The following UBE2E2 variants were observed in gnomAD, a reference collection of about 807,000 sequenced individuals.
The protein encoded by UBE2E2 is ubiquitin-conjugating enzyme E2 E2.
In UBE2E2, 6 loss-of-function variants were observed where a neutral mutation model predicts 24.7. The observed-to-expected ratio is 0.24, with a 90% CI of 0.13 to 0.48. UBE2E2 has a LOEUF of 0.48. UBE2E2 is among the 20% of genes least tolerant of loss of function. The probability of loss-of-function intolerance (pLI) is 0.99; values close to 1 mark genes in which losing one functional copy is unlikely to be tolerated. For missense variants in UBE2E2, 169 were observed against 245.0 expected, an observed-to-expected ratio of 0.69 and a Z score of 2.07; for synonymous variants, 104 against 83.6, an observed-to-expected ratio of 1.24 and a Z score of -1.33.
intron 3 of UBE2E2, among the ~76,000 whole-genome samples, chr3:23,262,819 C>CA (rs893111101): frequency 5.3e-5 from 8 of 151,878 alleles, no homozygotes; most frequent in African/African-American, 1.9e-4. Flanking sequence ...GTGTCACATC[C>CA]AAAAAATCCT....
chr3:23,397,279 G>A (rs920035529), intron 3 of UBE2E2, among the ~76,000 whole-genome samples: 1 of 152,156 alleles, frequency 6.6e-6, no homozygotes, highest in Non-Finnish European at 1.5e-5. Flanking sequence ...ATATGGGATG[G>A]CTAAATAAAA....
chr3:23,431,430 C>T (rs1212484959), intron 3 of UBE2E2, among the ~76,000 whole-genome samples: 1 of 152,054 alleles, frequency 6.6e-6, no homozygotes, highest in Non-Finnish European at 1.5e-5. Flanking sequence ...ACAATAGTTG[C>T]CACCAGCCAG....
chr3:23,453,278 G>A (rs944496509), intron 3 of UBE2E2, among the ~76,000 whole-genome samples: 1 of 151,840 alleles, frequency 6.6e-6, no homozygotes, highest in Admixed American at 6.6e-5. Flanking sequence ...TTGTTAAAAT[G>A]AGCAACTATT....
chr3:23,486,547 C>T (rs920173330), intron 3 of UBE2E2, among the ~76,000 whole-genome samples: 1 of 152,288 alleles, frequency 6.6e-6, no homozygotes, highest in East Asian at 1.9e-4. Flanking sequence ...CGTCCTGCTC[C>T]GGCCCATGGC....
intron 5 of UBE2E2, among the ~76,000 whole-genome samples, chr3:23,578,641 T>C (rs541259337): frequency 6.6e-6 from 1 of 152,062 alleles, no homozygotes; most frequent in African/African-American, 2.4e-5. Context: ...ACATGGATGG[T>C]GTTGGAAGCC....
Position 23,499,605 on chromosome 3 carries a change from C to T in UBE2E2, c.228-3C>T. 6.2e-7 allele frequency: 1 copy of T among 1,608,300 alleles called. No individual in the cohort carries two copies. Among genetic ancestry groups the T allele is most frequent in the South Asian group, 1.1e-5 (1 of 89,394 alleles). On this transcript the variant is annotated splice_polypyrimidine_tract_variant and splice_region_variant and intron_variant, in intron 3 of 5. Transcript: ENST00000396703. ...CACATTTCATTTGTATGTCTTATTT[C>T]AGTGCTGGACCCAAAGGAGACAACA...
In UBE2E2 at chr3:23,589,863, T is replaced by A; in HGVS notation, c.*32T>A. 6.2e-7 allele frequency: 1 copy of A among 1,609,782 alleles called. No homozygotes were observed. Among genetic ancestry groups the A allele is most frequent in the Non-Finnish European group, 8.5e-7 (1 of 1,176,570 alleles). On this transcript the variant is annotated 3_prime_UTR_variant, in exon 6 of 6. Coordinates refer to ENST00000396703, the MANE Select transcript of UBE2E2 (RefSeq NM_152653.4). The surrounding 1 kb of genome is among the most constrained non-coding windows in gnomAD (Gnocchi z 4.1). ...GCTGCCTGCCGCCCCGCGGGACCTG[T>A]GCAAGCACATTCACCAAGTGCATCG...
intron 3 of UBE2E2, among the ~76,000 whole-genome samples, chr3:23,230,099 A>G (rs1048069255): frequency 6.6e-6 from 1 of 152,232 alleles, no homozygotes; most frequent in African/African-American, 2.4e-5. Context: ...CCCCTCTGCT[A>G]TCCACCATTA....
chr3:23,285,064 C>T (rs189486635), intron 3 of UBE2E2, among the ~76,000 whole-genome samples: 237 of 152,028 alleles, frequency 1.6e-3, no homozygotes, highest in Non-Finnish European at 2.5e-3. Flanking sequence ...CATCTTTCTA[C>T]GCTCTGCCTC....
chr3:23,442,992 A>C (rs1003789433), intron 3 of UBE2E2, among the ~76,000 whole-genome samples: 2 of 152,210 alleles, frequency 1.3e-5, no homozygotes, highest in African/African-American at 4.8e-5. Context: ...GATGTATATT[A>C]CCTGTGTCCC....
At chr3:23,551,311 AT>A (rs1270987105) in intron 5 of UBE2E2, among the ~76,000 whole-genome samples, 2 of 152,246 alleles carry the variant, frequency 1.3e-5, no homozygotes, top group Non-Finnish European at 2.9e-5. Context: ...CTAAAGCATT[AT>A]AACTTTGGTA....
At chr3:23,337,139 C>CA (rs1053628403) in intron 3 of UBE2E2, among the ~76,000 whole-genome samples, 1,157 of 74,056 alleles carry the variant, frequency 0.016, 9 homozygotes, top group Middle Eastern at 0.065. Context: ...GAGCCTGTCT[C>CA]AAAAAAAAAA....
At chr3:23,272,459 A>G (rs932239996) in intron 3 of UBE2E2, among the ~76,000 whole-genome samples, 2 of 152,176 alleles carry the variant, frequency 1.3e-5, no homozygotes, top group Non-Finnish European at 2.9e-5. Context: ...CCCACAGTGC[A>G]GCAGCGGACT....
At chr3:23,243,482 T>C (rs1225241654) in intron 3 of UBE2E2, among the ~76,000 whole-genome samples, 1 of 152,240 alleles carries the variant, frequency 6.6e-6, no homozygotes, top group East Asian at 1.9e-4. Flanking sequence ...TCTGCTTCTT[T>C]CTGATCATTT....
chr3:23,279,132 A>G (rs1466466076), intron 3 of UBE2E2, among the ~76,000 whole-genome samples: 1 of 152,148 alleles, frequency 6.6e-6, no homozygotes, highest in African/African-American at 2.4e-5. Context: ...GTTTTAAAAC[A>G]GTTGTCACTG....
intron 3 of UBE2E2, among the ~76,000 whole-genome samples, chr3:23,351,991 C>G (rs1326125330): frequency 6.6e-6 from 1 of 152,148 alleles, no homozygotes; most frequent in African/African-American, 2.4e-5. Context: ...AAGTAAAGCT[C>G]TCCTCAGCAA....
intron 3 of UBE2E2, among the ~76,000 whole-genome samples, chr3:23,418,672 A>G (rs1697713269): frequency 6.6e-6 from 1 of 152,318 alleles, no homozygotes; most frequent in East Asian, 1.9e-4. Context: ...CATTCCATCA[A>G]TAATAGACTA....
chr3:23,557,125 T>C (rs1227856768), intron 5 of UBE2E2, among the ~76,000 whole-genome samples: 2 of 152,198 alleles, frequency 1.3e-5, no homozygotes, highest in Non-Finnish European at 2.9e-5. Flanking sequence ...GATAATTATT[T>C]ATCCAATTTT....
intron 5 of UBE2E2, among the ~76,000 whole-genome samples, chr3:23,572,686 G>T (rs1241214102): frequency 6.6e-6 from 1 of 152,154 alleles, no homozygotes; most frequent in Non-Finnish European, 1.5e-5. Context: ...GCCTTCAGCT[G>T]CATCCATGTT....
Sources: allele counts gnomAD v4.1 joint callset (sites outside exome capture counted in the v4.1 genomes callset), GRCh38; gene constraint gnomAD v4.1.1; non-coding constraint Gnocchi (gnomAD v3.1); transcripts MANE v1.5; gene names NCBI Gene and HGNC (gene_info 2026-07-23, HGNC 2026-07-21).